The following SAMD3 variants were observed in gnomAD, a reference collection of about 807,000 sequenced individuals.
SAMD3 encodes the protein sterile alpha motif domain containing 3, also known as sterile alpha motif domain-containing protein 3.
A neutral mutation model predicts 58.5 loss-of-function variants in SAMD3; 63 were observed. The observed-to-expected ratio is 1.08, with a 90% CI of 0.88 to 1.33. The LOEUF is 1.33. Among genes scored for constraint, SAMD3 ranks in the 40% most tolerant of loss-of-function variants. The pLI is 0.00. For missense variants in SAMD3, 604 were observed against 608.4 expected (o/e 0.99, Z 0.08); for synonymous variants, 220 against 210.3 (o/e 1.05, Z -0.40).
intron 5 of SAMD3, among the ~76,000 whole-genome samples, chr6:130,207,851 G>C (rs1228618279): frequency 6.6e-6 from 1 of 152,152 alleles, no homozygotes; most frequent in East Asian, 1.9e-4. Context: ...AGGTTGAAGA[G>C]AGGGAAAAAG....
At chr6:130,254,484 C>A (rs1773860006) in intron 2 of SAMD3, among the ~76,000 whole-genome samples, 1 of 151,964 alleles carries the variant, frequency 6.6e-6, no homozygotes, top group African/African-American at 2.4e-5. Context: ...GCATGAGCCA[C>A]CGAGTCCTGC....
chr6:130,352,040 A>C (rs919293323), intron 1 of SAMD3, among the ~76,000 whole-genome samples: 2 of 131,164 alleles, frequency 1.5e-5, no homozygotes, highest in Non-Finnish European at 1.6e-5. Context: ...AGGAAGGGGA[A>C]CATCACACAC....
chr6:130,337,818 G>T (rs887472283), intron 1 of SAMD3, among the ~76,000 whole-genome samples: 4 of 152,194 alleles, frequency 2.6e-5, no homozygotes, highest in Non-Finnish European at 5.9e-5. Context: ...TGAGAGAGAT[G>T]ATCTGAAATT....
At chr6:130,174,635 T>C (rs1475830301) in intron 8 of SAMD3, among the ~76,000 whole-genome samples, 2 of 152,240 alleles carry the variant, frequency 1.3e-5, no homozygotes, top group Non-Finnish European at 2.9e-5. Context: ...TCTCACAAAG[T>C]GATTTTTAAG....
chr6:130,288,030 C>T (rs1166831167), intron 2 of SAMD3, among the ~76,000 whole-genome samples: 1 of 151,882 alleles, frequency 6.6e-6, no homozygotes, highest in East Asian at 1.9e-4. Flanking sequence ...TATAAGCAGC[C>T]AGTGTGTTAT....
chr6:130,353,920 C>A (rs1250633437), intron 1 of SAMD3, among the ~76,000 whole-genome samples: 1 of 151,884 alleles, frequency 6.6e-6, no homozygotes, highest in Non-Finnish European at 1.5e-5. Flanking sequence ...GCAAACTATG[C>A]ATCTGAAAAA....
intron 1 of SAMD3, among the ~76,000 whole-genome samples, chr6:130,322,462 A>G (rs1776617406): frequency 6.6e-6 from 1 of 152,146 alleles, no homozygotes; most frequent in Non-Finnish European, 1.5e-5. Flanking sequence ...GCATACATAG[A>G]CAGTGTTCAT....
At chr6:130,316,185 C>T (rs539520495) in intron 1 of SAMD3, among the ~76,000 whole-genome samples, 140 of 150,030 alleles carry the variant, frequency 9.3e-4, no homozygotes, top group Middle Eastern at 3.4e-3. Context: ...CAGCTACTCG[C>T]GAGGCTGAGG....
intron 1 of SAMD3, among the ~76,000 whole-genome samples, chr6:130,321,619 T>C (rs903017517): frequency 6.6e-6 from 1 of 152,198 alleles, no homozygotes; most frequent in Non-Finnish European, 1.5e-5. Flanking sequence ...TCTTACCTTG[T>C]TTTTTCTCAT....
chr6:130,308,415 ATTC>A (rs1583080248), intron 2 of SAMD3, among the ~76,000 whole-genome samples: 1 of 120,558 alleles, frequency 8.3e-6, no homozygotes, highest in South Asian at 2.6e-4. Context: ...ATTCTATTCT[ATTC>A]TATTCTATTC....
chr6:130,351,638 A>C (rs921431925), intron 1 of SAMD3, among the ~76,000 whole-genome samples: 14 of 152,086 alleles, frequency 9.2e-5, no homozygotes, highest in Admixed American at 8.5e-4. Context: ...GGGACTGTGA[A>C]CTAGTTCACC....
At chr6:130,289,758 C>G (rs1289434474) in intron 2 of SAMD3, among the ~76,000 whole-genome samples, 2 of 152,206 alleles carry the variant, frequency 1.3e-5, no homozygotes, top group East Asian at 1.9e-4. Flanking sequence ...CCTTGGCCCC[C>G]CAAAGTGCTG....
chr6:130,211,484 A>G (rs1265725755), intron 4 of SAMD3, among the ~76,000 whole-genome samples: 1 of 151,902 alleles, frequency 6.6e-6, no homozygotes, highest in Non-Finnish European at 1.5e-5. Flanking sequence ...GGGTTTCACC[A>G]TGTTGGTCAG....
At chr6:130,323,408 A>G (rs1234025497) in intron 1 of SAMD3, among the ~76,000 whole-genome samples, 1 of 151,880 alleles carries the variant, frequency 6.6e-6, no homozygotes, top group Non-Finnish European at 1.5e-5. Context: ...AATTATGGAC[A>G]AAGACACACT....
chr6:130,180,451 T>C (rs1000345028), intron 7 of SAMD3, among the ~76,000 whole-genome samples: 4 of 151,992 alleles, frequency 2.6e-5, no homozygotes, highest in Non-Finnish European at 5.9e-5. Context: ...ATATATGTTA[T>C]GGTGTTTAGG....
upstream of SAMD3, among the ~76,000 whole-genome samples, chr6:130,225,739 T>A (rs921451899): frequency 6.6e-6 from 1 of 152,216 alleles, no homozygotes; most frequent in Admixed American, 6.5e-5. Context: ...TATTTATTCA[T>A]ATATTAGGTC....
At chr6:130,215,621 A>T (rs1795960671) in intron 2 of SAMD3, 1 of 1,388,864 alleles carries the variant, frequency 7.2e-7, no homozygotes. Flanking sequence ...TGTACCATTA[A>T]CACCCAGGTT....
chr6:130,159,662 ACCTTGTCTTT>A (rs1162946134), intron 8 of SAMD3: 3 of 152,208 alleles, frequency 2.0e-5, no homozygotes, highest in African/African-American at 4.8e-5. Context: ...TAAAATTGCA[ACCTTGTCTTT>A]CCTTGTCAAA....
intron 8 of SAMD3, among the ~76,000 whole-genome samples, chr6:130,167,810 T>TA (rs1790860168): frequency 1.3e-5 from 2 of 152,178 alleles, no homozygotes; most frequent in African/African-American, 4.8e-5. Context: ...AAGGCATTTT[T>TA]AAACATTGCA....
Sources: allele counts gnomAD v4.1 joint callset (sites outside exome capture counted in the v4.1 genomes callset), GRCh38; gene constraint gnomAD v4.1.1; transcripts MANE v1.5; gene names NCBI Gene and HGNC (gene_info 2026-07-23, HGNC 2026-07-21).